The following LINC00305 variants were observed in gnomAD, a reference collection of about 807,000 sequenced individuals.
LINC00305 encodes the protein long independently transcribed non-coding RNA 305.
intron 3 of LINC00305, among the ~76,000 whole-genome samples, chr18:64,085,155 A>C (rs1383878512): frequency 6.6e-6 from 1 of 152,174 alleles, no homozygotes; most frequent in South Asian, 2.1e-4. Flanking sequence ...CTGACTCCTT[A>C]AGCTTCCCCA....
chr18:64,121,450 C>T (rs1203297198), intron 1 of LINC00305, among the ~76,000 whole-genome samples: 1 of 152,008 alleles, frequency 6.6e-6, no homozygotes, highest in Non-Finnish European at 1.5e-5. Context: ...TGGTATTTGT[C>T]TTTCTGTGTC....
chr18:64,140,435 G>A (rs1468492562), intron 1 of LINC00305, among the ~76,000 whole-genome samples: 5 of 152,000 alleles, frequency 3.3e-5, no homozygotes, highest in Non-Finnish European at 5.9e-5. Flanking sequence ...TCTCGAACAC[G>A]TGACCTCAGG....
intron 1 of LINC00305, among the ~76,000 whole-genome samples, chr18:64,135,023 A>T (rs2051426078): frequency 6.6e-6 from 1 of 152,194 alleles, no homozygotes; most frequent in African/African-American, 2.4e-5. Context: ...TGGTTCTGGA[A>T]ACTGGAAGTC....
At chr18:64,080,651 C>A (rs1434654898) in intron 3 of LINC00305, among the ~76,000 whole-genome samples, 2 of 151,958 alleles carry the variant, frequency 1.3e-5, no homozygotes, top group Non-Finnish European at 2.9e-5. Flanking sequence ...TTAATTGGAG[C>A]TAGGTTTGTA....
At chr18:64,136,207 A>G (rs937289459) in intron 1 of LINC00305, among the ~76,000 whole-genome samples, 1 of 152,168 alleles carries the variant, frequency 6.6e-6, no homozygotes, top group African/African-American at 2.4e-5. Flanking sequence ...TTGTGTGTGT[A>G]TGATACAGGA....
intron 1 of LINC00305, among the ~76,000 whole-genome samples, chr18:64,123,510 C>T (rs190807019): frequency 6.6e-6 from 1 of 152,182 alleles, no homozygotes; most frequent in African/African-American, 2.4e-5. Context: ...CACACTGTAC[C>T]CCTTTCTCTG....
chr18:64,124,250 G>C (rs1468852326), intron 1 of LINC00305, among the ~76,000 whole-genome samples: 1 of 152,136 alleles, frequency 6.6e-6, no homozygotes, highest in Non-Finnish European at 1.5e-5. Flanking sequence ...CCACGGATCA[G>C]AACCTAGCTG....
chr18:64,123,930 GCCCATCTCTCACCA>G (rs1030019260), intron 1 of LINC00305, among the ~76,000 whole-genome samples: 12 of 152,016 alleles, frequency 7.9e-5, no homozygotes, highest in African/African-American at 2.9e-4. Flanking sequence ...ATAGGAACCC[GCCCATCTCTCACCA>G]CGTAATCTCT....
chr18:64,101,362 C>T (rs1218549688), intron 1 of LINC00305, among the ~76,000 whole-genome samples: 4 of 152,132 alleles, frequency 2.6e-5, no homozygotes, highest in Non-Finnish European at 4.4e-5. Flanking sequence ...CTTAAATCAG[C>T]AGAAAATTGA....
chr18:64,143,954 G>T (rs1201910757), intron 1 of LINC00305, among the ~76,000 whole-genome samples: 1 of 151,946 alleles, frequency 6.6e-6, no homozygotes. Flanking sequence ...ACAAATACAG[G>T]TGAATTTAAA....
intron 3 of LINC00305, among the ~76,000 whole-genome samples, chr18:64,085,550 C>A (rs1489100861): frequency 2.0e-5 from 3 of 151,984 alleles, no homozygotes; most frequent in Admixed American, 2.0e-4. Flanking sequence ...GCAACCTCTG[C>A]CTCCCGGGTT....
At chr18:64,110,247 G>A (rs1177547551) in intron 1 of LINC00305, among the ~76,000 whole-genome samples, 1 of 152,168 alleles carries the variant, frequency 6.6e-6, no homozygotes, top group Non-Finnish European at 1.5e-5. Flanking sequence ...CTGAGTGAAG[G>A]ATTGTTTGTT....
intron 1 of LINC00305, among the ~76,000 whole-genome samples, chr18:64,130,499 C>T (rs1184970442): frequency 6.7e-6 from 1 of 149,682 alleles, no homozygotes; most frequent in Non-Finnish European, 1.5e-5. Flanking sequence ...GCGCCAAACA[C>T]ATTTCCAAAA....
chr18:64,111,238 C>A (rs1024698597), intron 1 of LINC00305, among the ~76,000 whole-genome samples: 3 of 152,184 alleles, frequency 2.0e-5, no homozygotes, highest in Non-Finnish European at 4.4e-5. Flanking sequence ...GAATGACTAA[C>A]AGAACTTGCA....
At chr18:64,140,859 A>G (rs767084690) in intron 1 of LINC00305, among the ~76,000 whole-genome samples, 2 of 151,916 alleles carry the variant, frequency 1.3e-5, no homozygotes, top group Non-Finnish European at 2.9e-5. Flanking sequence ...GAGTTCATGG[A>G]GAGAGATGTG....
At position 64,143,546 on chromosome 18, in the gene LINC00305, C is replaced by T. The variant is rs62100360; in HGVS notation, n.314+5229G>A. On this transcript the variant is annotated intron_variant and non_coding_transcript_variant, in intron 1 of 3. Coordinates refer to ENST00000666468, the Ensembl canonical transcript of LINC00305. ...CATATTATGTGTACATATATATGTA[C>T]ACATATTATGTGTACATATATACAC... Among the ~76,000 whole-genome samples the T allele has an allele frequency of 5.0e-4, 43 of 85,618 alleles. 1 individual carries two copies. The highest frequency in any genetic ancestry group is 8.9e-4 in the East Asian group (3 of 3,368). The allele number at this position is 85,618 out of a possible 152,430, so 56.2% of individuals were successfully genotyped here. A position where few individuals can be genotyped will look rare whatever the true frequency, so the allele number is the denominator to read the frequency against.
chr18:64,140,044 T>C (rs1415505884), intron 1 of LINC00305, among the ~76,000 whole-genome samples: 1 of 152,090 alleles, frequency 6.6e-6, no homozygotes, highest in African/African-American at 2.4e-5. Context: ...ACCTTGTATC[T>C]GCTATTCCCT....
At chr18:64,143,412 T>C (rs994337318) in intron 1 of LINC00305, among the ~76,000 whole-genome samples, 1 of 151,798 alleles carries the variant, frequency 6.6e-6, no homozygotes, top group African/African-American at 2.4e-5. Flanking sequence ...TGTGTATATA[T>C]ATATATGTGT....
chr18:64,095,616 A>G (rs901088339), intron 3 of LINC00305, among the ~76,000 whole-genome samples: 1 of 152,218 alleles, frequency 6.6e-6, no homozygotes, highest in African/African-American at 2.4e-5. Context: ...TTACAACTGC[A>G]TTTCATCATT....
Sources: allele counts gnomAD v4.1 joint callset (sites outside exome capture counted in the v4.1 genomes callset), GRCh38; gene constraint gnomAD v4.1.1; transcripts MANE v1.5; gene names NCBI Gene and HGNC (gene_info 2026-07-23, HGNC 2026-07-21).